The following ADSL variants were observed in gnomAD, a reference collection of about 807,000 sequenced individuals.
ADSL encodes the protein adenylosuccinate lyase.
In ADSL, 44 loss-of-function variants were observed where a neutral mutation model predicts 62.1. That is an observed-to-expected ratio of 0.71 (90% CI 0.56 to 0.91). ADSL has a LOEUF of 0.91. Ranked by LOEUF, ADSL falls within the 40% of genes least tolerant of loss-of-function variation. The pLI is 0.00. For synonymous variants in ADSL, 198 were observed against 220.5 expected (o/e 0.90, Z 0.90); for missense variants, 531 against 627.4 (o/e 0.85, Z 1.64).
chr22:40,382,112 G>A (rs12159137), intron 2 of ADSL, among the ~76,000 whole-genome samples: 12 of 152,262 alleles, frequency 7.9e-5, no homozygotes, highest in African/African-American at 2.9e-4. Flanking sequence ...TGAAATGAGA[G>A]AATAAGAGTG....
rs746114979 is a variant in ADSL at position 40,360,470 on chromosome 22, G to A, written c.770G>A (p.Ser257Asn). 5.0e-6 allele frequency: 8 copies of A among 1,614,154 alleles called. No individual in the cohort carries two copies. Among genetic ancestry groups the A allele is most frequent in the South Asian group, 3.3e-5 (3 of 91,086 alleles). Residue 257 changes from serine (S) to asparagine (N), a missense_variant, in exon 7 of 13, where the codon AGC becomes AAC. Coordinates refer to ENST00000623063, the MANE Select transcript of ADSL (RefSeq NM_000026.4). ...VDIEVLSVLA[S>N]LGASVHKICT... ...ATTGAAGTACTGTCTGTGCTGGCTAGCTTGGGGGCATCAGTGCACAAGGTG... is the reference window on the plus strand; with the variant it reads ...ATTGAAGTACTGTCTGTGCTGGCTAACTTGGGGGCATCAGTGCACAAGGTG...
intron 2 of ADSL, among the ~76,000 whole-genome samples, chr22:40,352,540 A>G (rs2044389375): frequency 6.6e-6 from 1 of 152,166 alleles, no homozygotes; most frequent in Admixed American, 6.6e-5. Context: ...AAAAGAAAAA[A>G]AAAGAAAACG....
chr22:40,385,783 A>C (rs1402954146), intron 2 of ADSL, among the ~76,000 whole-genome samples: 1 of 152,202 alleles, frequency 6.6e-6, no homozygotes, highest in Admixed American at 6.5e-5. Context: ...GCAACCGTGA[A>C]GATAAATAGC....
At chr22:40,346,802 C>A in intron 1 of ADSL, 91 bp downstream of exon 1, 1 of 1,363,320 alleles carries the variant, frequency 7.3e-7, no homozygotes, top group Admixed American at 2.2e-5. Flanking sequence ...CTTAGCCACC[C>A]CGGAGCTGCG....
Position 40,346,676 on chromosome 22 carries a change from C to A in ADSL, c.118C>A (p.Arg40=), listed in dbSNP as rs1308263422. Residue 40 remains arginine, a synonymous_variant, in exon 1 of 13, where the codon CGG becomes AGG. Coordinates refer to ENST00000623063, the MANE Select transcript of ADSL (RefSeq NM_000026.4). ...FSDRYKFRTW[R]QLWLWLAEAE... ...CGACAGGTATAAATTCCGGACATGG[C>A]GGCAGCTGTGGCTGTGGCTGGCGGA... is the stretch of plus-strand genomic sequence containing the variant. 1.2e-6 allele frequency: 2 copies of A among 1,612,534 alleles called. No individual in the cohort carries two copies. The highest frequency in any genetic ancestry group is 1.7e-6 in the Non-Finnish European group (2 of 1,179,640).
At chr22:40,380,022 A>C (rs2146790648) in intron 2 of ADSL, among the ~76,000 whole-genome samples, 1 of 152,130 alleles carries the variant, frequency 6.6e-6, no homozygotes, top group Non-Finnish European at 1.5e-5. Flanking sequence ...GGTTTCTCTT[A>C]TTAACTGGCC....
At chr22:40,346,805 G>T (rs924299049) in intron 1 of ADSL, 94 bp downstream of exon 1, 10 of 1,341,230 alleles carry the variant, frequency 7.5e-6, no homozygotes, top group Non-Finnish European at 1.0e-5. Flanking sequence ...AGCCACCCCG[G>T]AGCTGCGGCC....
chr22:40,351,829 A>G (rs1010104048), intron 2 of ADSL: 3 of 151,744 alleles, frequency 2.0e-5, no homozygotes, highest in African/African-American at 7.3e-5. Context: ...AATTTTTTGT[A>G]TTTTTAGTAG....
downstream of ADSL, among the ~76,000 whole-genome samples, chr22:40,371,175 G>T (rs2045386743): frequency 6.6e-6 from 1 of 152,200 alleles, no homozygotes; most frequent in Non-Finnish European, 1.5e-5. Flanking sequence ...TCGGAACACC[G>T]GTGTGTTTGC....
At chr22:40,363,809 G>T (rs1208244774) in intron 10 of ADSL, among the ~76,000 whole-genome samples, 1 of 149,936 alleles carries the variant, frequency 6.7e-6, no homozygotes, top group Non-Finnish European at 1.5e-5. Flanking sequence ...AAAATCAAAA[G>T]TCTGACAGGG....
rs2146663670 is a variant in ADSL at position 40,361,624 on chromosome 22, T to C, written c.999T>C (p.Asp333=). The C allele has an allele frequency of 6.2e-7, 1 of 1,613,676 alleles. No individual in the cohort carries two copies. Among genetic ancestry groups the C allele is most frequent in the Non-Finnish European group, 8.5e-7 (1 of 1,180,038 alleles). The change falls in exon 9 of 13, where the codon GAT becomes GAC. Residue 333 remains aspartate, a synonymous_variant. Transcript: ENST00000623063. ...SVQWFERTLD[D]SANRRICLAE... ...AGTGGTTTGAACGCACACTGGATGA[T>C]AGTGCCAACCGGTCAGTGGCACAGG...
chr22:40,349,595 G>C lies in ADSL; in HGVS notation c.154-237G>C, dbSNP rs572423262. Among the ~76,000 whole-genome samples the C allele has an allele frequency of 2.0e-5, 3 of 152,140 alleles. No individual in the cohort carries two copies. In the South Asian group the frequency reaches 6.2e-4, roughly 32 times the overall value. On this transcript the variant is annotated intron_variant, in intron 1 of 12. Coordinates refer to ENST00000623063, the MANE Select transcript of ADSL (RefSeq NM_000026.4). ...TCACCGTTGTTGCCCAGGCTGGTCT[G>C]TTGGAGCTTTGTTATAGTATACTTT...
At chr22:40,357,178 G>T (rs558513554) in intron 4 of ADSL, among the ~76,000 whole-genome samples, 2 of 151,200 alleles carry the variant, frequency 1.3e-5, no homozygotes, top group Non-Finnish European at 2.9e-5. Context: ...TTACAAGCGT[G>T]AGACACCGCA....
chr22:40,369,645 G>A (rs2045137675), downstream of ADSL, among the ~76,000 whole-genome samples: 1 of 151,920 alleles, frequency 6.6e-6, no homozygotes, highest in African/African-American at 2.4e-5. Context: ...CTGGGACTAT[G>A]GCACACACAA....
chr22:40,358,747 TCTTA>T, intron 4 of ADSL, 113 bp from the exon 5 acceptor site: 1 of 912,096 alleles, frequency 1.1e-6, no homozygotes, highest in South Asian at 1.5e-5. Flanking sequence ...TTACTCCCTC[TCTTA>T]CTTAAATTGT....
In ADSL at chr22:40,387,082, T is replaced by TTG. The variant is rs1356464645; in HGVS notation, c.90-3145_90-3144dup. Reference sequence around the variant, plus strand: ...CTGTCTGCAAAGTTGATAACTAGAGTTGTGCTAGTCAGTATGGTATAGTGA... The same window carrying TTG: ...CTGTCTGCAAAGTTGATAACTAGAGTTGTGTGCTAGTCAGTATGGTATAGTGA... On this transcript the variant is annotated intron_variant, in intron 2 of 2. Coordinates refer to the ADSL transcript ENST00000498234. 1.3e-5 allele frequency: 5 copies of TTG among 394,836 alleles called. No homozygotes were observed. The East Asian group carries it at 1.4e-4, about 11-fold the overall frequency. The allele number at this position is 394,836 out of a possible 1,614,324, so 24.5% of individuals were successfully genotyped here. A position where few individuals can be genotyped will look rare whatever the true frequency, so the allele number is the denominator to read the frequency against.
At chr22:40,353,920 C>T in intron 3 of ADSL, 1 of 407,400 alleles carries the variant, frequency 2.5e-6, no homozygotes. Flanking sequence ...GCCACCGCGC[C>T]CGGCCCAAGC....
rs576887274 is a variant in ADSL, at chr22:40,385,992, C to T, written c.90-4238C>T. ...TCAACTTCCCAGGTAGCTGGGACTACAGGCGCACGCCACCATGCCCGGCTA... is the reference window on the plus strand; with the variant it reads ...TCAACTTCCCAGGTAGCTGGGACTATAGGCGCACGCCACCATGCCCGGCTA... On this transcript the variant is annotated intron_variant, in intron 2 of 2. Transcript: ENST00000498234. Among the ~76,000 whole-genome samples the T allele has an allele frequency of 3.9e-5, 6 of 152,068 alleles. No individual in the cohort carries two copies. In the South Asian group the frequency reaches 1.2e-3, roughly 32 times the overall value.
At chr22:40,353,783 G>A (rs1055178949) in intron 3 of ADSL, 17 of 266,404 alleles carry the variant, frequency 6.4e-5, no homozygotes, top group Non-Finnish European at 1.2e-4. Flanking sequence ...CCGCCACTAC[G>A]CCCAGCTATT....
Sources: gnomAD v4.1 joint callset for allele counts (sites outside exome capture counted in the v4.1 genomes callset) on GRCh38, gnomAD v4.1.1 for gene constraint, MANE v1.5 for transcripts, NCBI Gene and HGNC (gene_info 2026-07-23, HGNC 2026-07-21) for gene names.